Variants in ADCY9 observed in about 807,000 individuals in gnomAD.
ADCY9 encodes the protein adenylate cyclase type 9.
A neutral mutation model predicts 101.5 loss-of-function variants in ADCY9; 50 were observed. The ratio of observed to expected loss-of-function variants is 0.49; its 90% CI spans 0.39 to 0.62. The LOEUF (loss-of-function observed/expected upper bound fraction) is 0.62, where lower values mean the gene tolerates loss of function less well. ADCY9 is among the 20% of genes least tolerant of loss of function. ADCY9 has a pLI of 0.00. For synonymous variants in ADCY9, 905 were observed against 769.3 expected, an observed-to-expected ratio of 1.18 and a Z score of -2.92; for missense variants, 1,662 against 1,800.4, an observed-to-expected ratio of 0.92 and a Z score of 1.39.
chr16:3,980,732 G>A (rs943369161), intron 7 of ADCY9, among the ~76,000 whole-genome samples: 2 of 152,178 alleles, frequency 1.3e-5, no homozygotes, highest in African/African-American at 4.8e-5. Flanking sequence ...GGATAATGAA[G>A]ACTTTGGAAT....
chr16:3,979,360 G>A (rs534679022), intron 7 of ADCY9, 85 bp from the exon 8 acceptor site: 20 of 1,478,208 alleles, frequency 1.4e-5, no homozygotes, highest in African/African-American at 6.9e-5. Flanking sequence ...CGCAGCCAGC[G>A]CCGCCCTCTG....
intron 2 of ADCY9, among the ~76,000 whole-genome samples, chr16:4,012,475 C>CAAAAAAAA (rs35681254): frequency 7.2e-6 from 1 of 139,008 alleles, no homozygotes; most frequent in African/African-American, 2.7e-5. Context: ...GCAGAAGGTC[C>CAAAAAAAA]AAAAAAAAAA....
Position 3,966,501 on chromosome 16 carries a change from G to A in ADCY9, c.3336C>T (p.Ala1112=). 1 of 1,614,138 alleles carries A rather than the reference G, an allele frequency of 6.2e-7. No homozygotes were observed. The highest frequency in any genetic ancestry group is 8.5e-7 in the Non-Finnish European group (1 of 1,180,032). ...SSIEKIKTIG[A]TYMAASGLNT... is the part of the protein sequence containing the mutation. The stretch of plus-strand genomic sequence containing the variant: ...TCAGCCCTGACGCCGCCATGTACGT[G>A]GCTCCGATGGTCTTGATCTTCTCGA... Residue 1112 remains alanine (A), a synonymous_variant, in exon 11 of 11, where the codon GCC becomes GCT. Transcript: ENST00000294016.
chr16:4,027,934 C>T (rs535568356), intron 2 of ADCY9, among the ~76,000 whole-genome samples: 6 of 151,612 alleles, frequency 4.0e-5, no homozygotes, highest in Admixed American at 3.3e-4. Flanking sequence ...TTCACTATCA[C>T]GAGAACAGCA....
chr16:4,101,447 T>C (rs2141200108), intron 2 of ADCY9, among the ~76,000 whole-genome samples: 1 of 152,148 alleles, frequency 6.6e-6, no homozygotes, highest in Non-Finnish European at 1.5e-5. Context: ...GCACGGCTAA[T>C]TATTTATTAT....
At chr16:3,982,942 C>T in intron 7 of ADCY9, 1 of 474,588 alleles carries the variant, frequency 2.1e-6, no homozygotes, top group African/African-American at 1.9e-5. Context: ...TATCTTCTCA[C>T]CTTCTCCTTT....
intron 7 of ADCY9, 125 bp downstream of exon 7, chr16:3,983,107 T>A: frequency 1.1e-6 from 1 of 908,670 alleles, no homozygotes; most frequent in Non-Finnish European, 1.6e-6. Context: ...CGGGGACCCA[T>A]CTCCAGAAAT....
chr16:3,979,164 T>A lies in ADCY9; in HGVS notation c.2631A>T (p.Ala877=), dbSNP rs757156483. 1 of 1,614,130 alleles carries A rather than the reference T, an allele frequency of 6.2e-7. No individual in the cohort carries two copies. The highest frequency in any genetic ancestry group is 8.5e-7 in the Non-Finnish European group (1 of 1,180,030). Residue 877 remains alanine (A), a synonymous_variant, in exon 8 of 11, where the codon GCA becomes GCT. Transcript: ENST00000294016. ...CIGAILVSLP[A]LAVYSHVTSE... ...AGGTGACATGGGAGTAGACGGCCAG[T>A]GCGGGAAGCGACACCAGGATGGCCC... is the stretch of plus-strand genomic sequence containing the variant.
intron 2 of ADCY9, among the ~76,000 whole-genome samples, chr16:4,099,384 C>T (rs548518948): frequency 5.3e-5 from 8 of 152,244 alleles, no homozygotes; most frequent in South Asian, 2.1e-4. Flanking sequence ...ATGCACAAAC[C>T]GTTTCTTGGG....
At chr16:4,073,166 C>G (rs2056845735) in intron 2 of ADCY9, among the ~76,000 whole-genome samples, 1 of 152,046 alleles carries the variant, frequency 6.6e-6, no homozygotes, top group Non-Finnish European at 1.5e-5. Context: ...GTGATCTCAG[C>G]TCTCTGCAAC....
intron 2 of ADCY9, 145 bp from the exon 3 acceptor site, chr16:4,007,703 G>T: frequency 1.6e-6 from 1 of 637,382 alleles, no homozygotes; most frequent in Non-Finnish European, 2.6e-6. Flanking sequence ...TACGACGGAC[G>T]TCCACGATCT....
Position 3,966,902 on chromosome 16 carries a change from C to T in ADCY9, c.2935G>A (p.Gly979Ser), listed in dbSNP as rs770263456. 8.1e-6 allele frequency: 13 copies of T among 1,613,996 alleles called. No individual in the cohort carries two copies. Among genetic ancestry groups the T allele is most frequent in the East Asian group, 2.2e-5 (1 of 44,904 alleles). The change falls in exon 11 of 11, where the codon GGC (glycine) becomes AGC (serine). Residue 979 changes from glycine to serine, a missense_variant. Physicochemically the swap from Gly to Ser is moderately conservative, Grantham distance 56. Transcript: ENST00000294016. ...AAGAAGACGAGAACCACCTCCTGGC[C>T]GATGAGGCTGGCGGGCCGCCGGAGG... Reference protein sequence around the residue: ...RDLRRPASLIGQEVVLVFFLL... With the variant: ...RDLRRPASLISQEVVLVFFLL...
At chr16:3,974,017 A>T (rs2056073400) in intron 10 of ADCY9, among the ~76,000 whole-genome samples, 1 of 152,132 alleles carries the variant, frequency 6.6e-6, no homozygotes, top group South Asian at 2.1e-4. Context: ...AGGGTCAAAC[A>T]TTTAGTATTT....
Position 4,114,684 on chromosome 16 carries a change from A to G in ADCY9, c.759T>C (p.Ser253=). 1 of 1,613,214 alleles carries G rather than the reference A, an allele frequency of 6.2e-7. No homozygotes were observed. Among genetic ancestry groups the G allele is most frequent in the Non-Finnish European group, 8.5e-7 (1 of 1,180,042 alleles). ...GGTAGCCAAAGGTCTCGAAAAGGAC[A>G]GAGTAGGCCACCCCCAGACACAAAC... ...YLSLCLGVAY[S]VLFETFGYHF... is the part of the protein sequence containing the mutation. The change falls in exon 2 of 11, where the codon TCT becomes TCC. Residue 253 remains serine, a synonymous_variant. Transcript: ENST00000294016. The surrounding 1 kb of genome is among the most constrained non-coding windows in gnomAD (Gnocchi z 4.3).
At chr16:4,081,858 G>GT (rs2056905505) in intron 2 of ADCY9, among the ~76,000 whole-genome samples, 1 of 148,472 alleles carries the variant, frequency 6.7e-6, no homozygotes, top group Non-Finnish European at 1.5e-5. Context: ...TGGCGTGTGG[G>GT]TAAGAGCAAG....
chr16:4,017,482 G>A (rs2056445917), intron 2 of ADCY9, among the ~76,000 whole-genome samples: 1 of 143,930 alleles, frequency 6.9e-6, no homozygotes, highest in African/African-American at 2.5e-5. Flanking sequence ...TGTCTCTACT[G>A]AAAATACGAA....
rs756499869 is a variant in ADCY9 at position 4,114,170 on chromosome 16, G to T, written c.1273C>A (p.Arg425Ser). 2 of 1,613,844 alleles carry T rather than the reference G, an allele frequency of 1.2e-6. No individual in the cohort carries two copies. Among genetic ancestry groups the T allele is most frequent in the Non-Finnish European group, 1.7e-6 (2 of 1,180,028 alleles). Residue 425 changes from arginine to serine, a missense_variant, in exon 2 of 11, where the codon CGC becomes AGC. Coordinates refer to ENST00000294016, the MANE Select transcript of ADCY9 (RefSeq NM_001116.4). The surrounding 1 kb of genome is among the most constrained non-coding windows in gnomAD (Gnocchi z 4.3). ...LVGLLNDLFG[R>S]FDRLCEETKC... ...GTCTCCTCACACAGGCGGTCGAAGC[G>T]ACCGAACAGATCGTTCAGGAGACCC...
At position 4,097,541 on chromosome 16, in the gene ADCY9, ATATATATATATATTTTTT is replaced by A. The variant is rs1175761383; in HGVS notation, c.1693+16191_1693+16208del. Among the ~76,000 whole-genome samples the A allele has an allele frequency of 3.5e-3, 168 of 48,200 alleles. 4 individuals are homozygous for A. Among genetic ancestry groups the A allele is most frequent in the African/African-American group, 0.02 (163 of 8,124 alleles). 31.6% of individuals were successfully genotyped at this position (48,200 alleles called of 152,430 possible). On this transcript the variant is annotated intron_variant, in intron 2 of 10. Transcript: ENST00000294016. ...AATACATATGTACATATATATATAT[ATATATATATATATTTTTT>A]TTTTTTTTTTTTAAGACAGAGTCTT...
intron 2 of ADCY9, among the ~76,000 whole-genome samples, chr16:4,039,639 A>G (rs2056613448): frequency 7.0e-6 from 1 of 141,966 alleles, no homozygotes; most frequent in South Asian, 2.2e-4. Flanking sequence ...AGATCGCACC[A>G]TTTCATTCCA....
Sources: allele counts gnomAD v4.1 joint callset (sites outside exome capture counted in the v4.1 genomes callset), GRCh38; gene constraint gnomAD v4.1.1; non-coding constraint Gnocchi (gnomAD v3.1); transcripts MANE v1.5; gene names NCBI Gene and HGNC (gene_info 2026-07-23, HGNC 2026-07-21).